ANK2: variants seen among roughly 807,000 people sequenced by gnomAD.
ANK2 encodes ankyrin-2.
A neutral mutation model predicts 360.5 loss-of-function variants in ANK2; 83 were observed. The ratio of observed to expected loss-of-function variants is 0.23; its 90% CI spans 0.19 to 0.28. The LOEUF (loss-of-function observed/expected upper bound fraction) is 0.28. Among genes scored for constraint, ANK2 ranks in the 10% least tolerant of loss-of-function variants. The pLI, the probability that ANK2 is intolerant of heterozygous loss-of-function variation, is 1.00. For missense variants in ANK2, 4,201 were observed against 4,795.7 expected (o/e 0.88, Z 3.66); for synonymous variants, 1,740 against 1,759.5 (o/e 0.99, Z 0.28).
intron 2 of ANK2, among the ~76,000 whole-genome samples, chr4:113,181,587 G>A (rs1258746418): frequency 6.6e-6 from 1 of 152,064 alleles, no homozygotes; most frequent in Admixed American, 6.5e-5. Flanking sequence ...GTGATATGGA[G>A]GAAAATACAG....
chr4:113,210,211 AG>A (rs1343758190), intron 4 of ANK2, among the ~76,000 whole-genome samples: 1 of 152,218 alleles, frequency 6.6e-6, no homozygotes, highest in South Asian at 2.1e-4. Context: ...GGGAGCCTGC[AG>A]GTCCCTAAGA....
At chr4:113,226,010 A>G (rs574016945) in intron 4 of ANK2, among the ~76,000 whole-genome samples, 27 of 152,324 alleles carry the variant, frequency 1.8e-4, no homozygotes, top group South Asian at 4.1e-4. Context: ...AATAATACAG[A>G]CTGAATGCAA....
At chr4:113,171,294 A>C (rs2097937342) in intron 1 of ANK2, among the ~76,000 whole-genome samples, 1 of 152,216 alleles carries the variant, frequency 6.6e-6, no homozygotes, top group African/African-American at 2.4e-5. Context: ...CTGTTTATCC[A>C]AAGCGCTTGT....
chr4:112,916,411 T>C (rs1302760474), intron 2 of ANK2, among the ~76,000 whole-genome samples: 2 of 152,218 alleles, frequency 1.3e-5, no homozygotes, highest in East Asian at 3.8e-4. Context: ...TCACCTTTAA[T>C]GTGCATCATA....
intron 1 of ANK2, among the ~76,000 whole-genome samples, chr4:112,866,673 A>G (rs1462393748): frequency 1.3e-5 from 2 of 152,108 alleles, no homozygotes; most frequent in East Asian, 1.9e-4. Context: ...AACTTTTTGT[A>G]TGTTTTTTCT....
Position 113,357,181 on chromosome 4 carries a change from G to T in ANK2, c.8563G>T (p.Val2855Leu). 1 of 1,614,074 alleles carries T rather than the reference G, an allele frequency of 6.2e-7. No individual in the cohort carries two copies. Among genetic ancestry groups the T allele is most frequent in the Non-Finnish European group, 8.5e-7 (1 of 1,179,986 alleles). The change falls in exon 38 of 46, where the codon GTA becomes TTA. Residue 2855 changes from valine (V) to leucine (L), a missense_variant. Physicochemically the swap from Val to Leu is conservative, Grantham distance 32. Transcript: ENST00000357077. ...SSSSSLPHCL[V>L]SEGKELDEDI... ...TTCATCCTCTTTGCCTCATTGTTTG[G>T]TATCTGAAGGAAAAGAATTAGATGA...
chr4:112,877,825 CCTCCACCTTGGATT>C (rs980560764), intron 1 of ANK2, among the ~76,000 whole-genome samples: 15 of 152,312 alleles, frequency 9.8e-5, no homozygotes, highest in South Asian at 4.1e-4. Context: ...GGAGGTAAAA[CCTCCACCTTGGATT>C]CTCCACCTAG....
chr4:113,277,809 A>G, intron 15 of ANK2, 28 bp from the exon 16 acceptor site: 2 of 1,551,376 alleles, frequency 1.3e-6, no homozygotes, highest in Non-Finnish European at 1.8e-6. Flanking sequence ...AATAAATACG[A>G]TTTTACTTTT....
chr4:112,996,497 A>G (rs904085507), intron 2 of ANK2, among the ~76,000 whole-genome samples: 1 of 152,206 alleles, frequency 6.6e-6, no homozygotes, highest in Non-Finnish European at 1.5e-5. Context: ...TATAGAATGT[A>G]ATAGGAACAG....
the ANK2 span, among the ~76,000 whole-genome samples, chr4:112,764,206 G>T: frequency 5.3e-5 from 8 of 152,132 alleles, no homozygotes; most frequent in Admixed American, 2.0e-4. Context: ...GCCTCCTAAA[G>T]TGTTGAGATT....
At chr4:112,790,565 G>T in the ANK2 span, among the ~76,000 whole-genome samples, 2 of 144,112 alleles carry the variant, frequency 1.4e-5, no homozygotes, top group Non-Finnish European at 3.0e-5. Flanking sequence ...ATGGCTCACT[G>T]CAACCTCTGC....
At chr4:113,009,004 G>A (rs935714553) in intron 2 of ANK2, among the ~76,000 whole-genome samples, 1 of 152,190 alleles carries the variant, frequency 6.6e-6, no homozygotes, top group Non-Finnish European at 1.5e-5. Flanking sequence ...GTCCTAAACA[G>A]CATGTTTTAA....
chr4:112,913,946 A>G (rs2088730963), intron 2 of ANK2, among the ~76,000 whole-genome samples: 1 of 152,212 alleles, frequency 6.6e-6, no homozygotes, highest in East Asian at 1.9e-4. Context: ...TGATGGGAAT[A>G]TTTTGTTGAG....
intron 2 of ANK2, among the ~76,000 whole-genome samples, chr4:112,997,008 T>C (rs1475163440): frequency 6.6e-6 from 1 of 152,160 alleles, no homozygotes; most frequent in Non-Finnish European, 1.5e-5. Context: ...CTCTGTCTAG[T>C]ATATCTTCAC....
intron 14 of ANK2, among the ~76,000 whole-genome samples, chr4:113,267,003 T>C (rs2056428381): frequency 6.6e-6 from 1 of 152,212 alleles, no homozygotes; most frequent in African/African-American, 2.4e-5. Context: ...TAGTGACCAG[T>C]GATGATGAGC....
chr4:112,995,578 G>T (rs1372094196), intron 2 of ANK2, among the ~76,000 whole-genome samples: 3 of 152,102 alleles, frequency 2.0e-5, no homozygotes, highest in Non-Finnish European at 4.4e-5. Flanking sequence ...CTCTTGCTGT[G>T]CAGAAGCTCT....
At chr4:112,707,795 A>G in the ANK2 span, among the ~76,000 whole-genome samples, 1 of 152,212 alleles carries the variant, frequency 6.6e-6, no homozygotes, top group Non-Finnish European at 1.5e-5. Context: ...AAATACGTAT[A>G]AAAATAGTTA....
At chr4:113,124,450 A>G (rs2095542949) in intron 1 of ANK2, among the ~76,000 whole-genome samples, 1 of 152,124 alleles carries the variant, frequency 6.6e-6, no homozygotes, top group Admixed American at 6.6e-5. Flanking sequence ...CAATACTCCT[A>G]ACTCTTCAAC....
chr4:112,943,987 A>G (rs764662268), intron 2 of ANK2, among the ~76,000 whole-genome samples: 1 of 152,140 alleles, frequency 6.6e-6, no homozygotes, highest in Non-Finnish European at 1.5e-5. Flanking sequence ...CAAAATGGAG[A>G]TGGTTTTTGG....
Sources: gnomAD v4.1 joint callset for allele counts (sites outside exome capture counted in the v4.1 genomes callset) on GRCh38, gnomAD v4.1.1 for gene constraint, MANE v1.5 for transcripts, NCBI Gene and HGNC (gene_info 2026-07-23, HGNC 2026-07-21) for gene names.